ABCB8: variants seen among roughly 807,000 people sequenced by gnomAD.
The protein encoded by ABCB8 is ATP binding cassette subfamily B member 8, also known as mitochondrial potassium channel ATP-binding subunit.
A neutral mutation model predicts 73.0 loss-of-function variants in ABCB8; 52 were observed. That is an observed-to-expected ratio of 0.71 (90% confidence interval 0.57 to 0.90). ABCB8 has a LOEUF of 0.90. Ranked by LOEUF, ABCB8 falls within the 40% of genes least tolerant of loss-of-function variation. ABCB8 has a pLI of 0.00. For missense variants in ABCB8, 909 were observed against 974.6 expected, an observed-to-expected ratio of 0.93 and a Z score of 0.90; for synonymous variants, 428 against 423.5, an observed-to-expected ratio of 1.01 and a Z score of -0.13.
At chr7:151,045,079 A>C in intron 15 of ABCB8, 130 bp from the exon 16 acceptor site, 1 of 1,157,244 alleles carries the variant, frequency 8.6e-7, no homozygotes, top group Non-Finnish European at 1.2e-6. Flanking sequence ...TTGGTTTCAG[A>C]GTGTCCCCAG....
At position 151,033,886 on chromosome 7, in the gene ABCB8, C is replaced by A. The variant is rs775074003; in HGVS notation, c.377C>A (p.Pro126His). The change falls in exon 2 of 16, where the codon CCC becomes CAC. Residue 126 changes from proline (P) to histidine (H), a missense_variant. Transcript: ENST00000358849. ...NWKLFWQFLH[P>H]HLLVLGVAVV... is the part of the protein sequence containing the mutation. ...AAGCTCTTCTGGCAGTTTCTGCACC[C>A]CCACCTGCTGGTCCTGGGGGTAGCC... 3.7e-6 allele frequency: 6 copies of A among 1,608,022 alleles called. No individual in the cohort carries two copies. Among genetic ancestry groups the A allele is most frequent in the Non-Finnish European group, 5.1e-6 (6 of 1,176,212 alleles).
At chr7:151,034,884 T>A in intron 5 of ABCB8, 55 bp downstream of exon 5, 1 of 1,511,878 alleles carries the variant, frequency 6.6e-7, no homozygotes, top group Non-Finnish European at 9.1e-7. Flanking sequence ...CCATGTGGAT[T>A]CACCAGGCCA....
intron 11 of ABCB8, 57 bp downstream of exon 11, chr7:151,040,691 G>C: frequency 6.2e-7 from 1 of 1,600,730 alleles, no homozygotes; most frequent in South Asian, 1.1e-5. Flanking sequence ...TGAGGCGAGT[G>C]GATTCGGGGG....
chr7:151,045,612 C>T lies in ABCB8; in HGVS notation c.*263C>T. The T allele has an allele frequency of 2.4e-6, 1 of 424,566 alleles. No homozygotes were observed. The highest frequency in any genetic ancestry group is 4.1e-6 in the Non-Finnish European group (1 of 242,480). 26.3% of individuals were successfully genotyped at this position (424,566 alleles called of 1,614,324 possible). A position where few individuals can be genotyped will look rare whatever the true frequency, so the allele number is the denominator to read the frequency against. Reference sequence around the variant, plus strand: ...GCTGCAATGGGCAGAGACAGAGTTCCACGAGACACCTCCACTCTATTCTCC... The same window carrying T: ...GCTGCAATGGGCAGAGACAGAGTTCTACGAGACACCTCCACTCTATTCTCC... On this transcript the variant is annotated 3_prime_UTR_variant, in exon 16 of 16. Transcript: ENST00000358849.
rs1563290309 is a variant in ABCB8, at chr7:151,034,735, C to A, written c.671C>A (p.Thr224Asn). 2 of 1,614,050 alleles carry A rather than the reference C, an allele frequency of 1.2e-6. No individual in the cohort carries two copies. ...LFSSLLRQDI[T>N]FFDANKTGQL... Reference sequence around the variant, plus strand: ...TTGTCCCATGCCAGACAAGACATCACCTTCTTTGACGCCAATAAGACAGGG... The same window carrying A: ...TTGTCCCATGCCAGACAAGACATCAACTTCTTTGACGCCAATAAGACAGGG... The change falls in exon 5 of 16, where the codon ACC (threonine) becomes AAC (asparagine). Residue 224 changes from threonine (T) to asparagine (N), a missense_variant. Coordinates refer to ENST00000358849, the MANE Select transcript of ABCB8 (RefSeq NM_007188.5).
At chr7:151,035,546 C>T (rs758177945) in intron 5 of ABCB8, 35 bp from the exon 6 acceptor site, 19 of 1,555,704 alleles carry the variant, frequency 1.2e-5, no homozygotes, top group South Asian at 5.9e-5. Flanking sequence ...ATGGTGCGGA[C>T]GCCGTAGCCT....
intron 15 of ABCB8, 102 bp from the exon 16 acceptor site, chr7:151,045,107 G>A: frequency 9.4e-6 from 13 of 1,384,688 alleles, no homozygotes; most frequent in Non-Finnish European, 1.2e-5. Context: ...ACCGGCCTAA[G>A]TGACCATGGG....
chr7:151,043,917 G>A, intron 14 of ABCB8, 54 bp from the exon 15 acceptor site: 2 of 1,592,646 alleles, frequency 1.3e-6, no homozygotes, highest in South Asian at 2.2e-5. Context: ...GCCCCTTTGT[G>A]GGCCACCCTC....
rs1796034344 is a variant in ABCB8, at chr7:151,028,550, G to A, written c.35G>A (p.Gly12Asp). 3 of 1,614,070 alleles carry A rather than the reference G, an allele frequency of 1.9e-6. No homozygotes were observed. The highest frequency in any genetic ancestry group is 1.7e-4 in the Middle Eastern group (1 of 6,026). The change falls in exon 1 of 16, where the codon GGT becomes GAT. Residue 12 changes from glycine (G) to aspartate (D), a missense_variant. By Grantham distance (94) the Gly-to-Asp change is moderately conservative. Transcript: ENST00000358849. The stretch of plus-strand genomic sequence containing the variant: ...CATTTATTTCGGGTCGGGATTCGGG[G>A]TGGCCCATTCCCAGGCAGGCTGCTA... ...LVHLFRVGIRGGPFPGRLLPP... is the reference protein window; with the variant it reads ...LVHLFRVGIRDGPFPGRLLPP...
rs368425468 is a variant in ABCB8, at chr7:151,035,802, C to T, written c.927+60C>T. ...CCACACCGTTTCTCTTTCCACTCCC[C>T]GGAACTCCTCCCTGTCCCCATCCTG... On this transcript the variant is annotated intron_variant, in intron 6 of 15. Transcript: ENST00000358849. 192 of 1,609,806 alleles carry T rather than the reference C, an allele frequency of 1.2e-4. No individual in the cohort carries two copies. Among genetic ancestry groups the T allele is most frequent in the South Asian group, 9.7e-4 (88 of 91,048 alleles).
chr7:151,031,416 C>G, intron 1 of ABCB8: 2 of 1,309,326 alleles, frequency 1.5e-6, no homozygotes, highest in Non-Finnish European at 1.0e-6. Context: ...TTCCTGAAAG[C>G]AGGGGAAGGA....
chr7:151,038,001 G>C (rs1348495321), intron 9 of ABCB8: 1 of 154,668 alleles, frequency 6.5e-6, no homozygotes, highest in Non-Finnish European at 1.4e-5. Flanking sequence ...CTGTTCTGTC[G>C]TGGCTTTGGA....
At position 151,036,101 on chromosome 7, in the gene ABCB8, C is replaced by T. The variant is rs777044789; in HGVS notation, c.1042C>T (p.Arg348Cys). ...CTATGGGGCAGAGCTGGAAGCCTGC[C>T]GCTGCCGGGCAGAGGAGCTGGGCCG... The part of the protein sequence containing the change: ...ERYGAELEAC[R>C]CRAEELGRGI... Residue 348 changes from arginine (R) to cysteine (C), a missense_variant, in exon 8 of 16, where the codon CGC (arginine) becomes TGC (cysteine). Coordinates refer to ENST00000358849, the MANE Select transcript of ABCB8 (RefSeq NM_007188.5). 1.3e-5 allele frequency: 21 copies of T among 1,613,300 alleles called. No individual in the cohort carries two copies. Among genetic ancestry groups the T allele is most frequent in the South Asian group, 3.3e-5 (3 of 91,070 alleles).
chr7:151,028,818 A>C (rs1397605873), intron 1 of ABCB8: 1 of 1,557,214 alleles, frequency 6.4e-7, no homozygotes, highest in South Asian at 1.2e-5. Flanking sequence ...CTGCGTCTGC[A>C]GCCGCGTGTC....
chr7:151,034,018 G>A, intron 2 of ABCB8, 101 bp downstream of exon 2: 1 of 1,392,230 alleles, frequency 7.2e-7, no homozygotes. Context: ...AGAGCTCAGG[G>A]GAGCAGCAAG....
In ABCB8 at chr7:151,041,220, CT is replaced by C; in HGVS notation, c.1607del (p.Phe536SerfsTer81). The C allele has an allele frequency of 6.2e-7, 1 of 1,601,356 alleles. No individual in the cohort carries two copies. On this transcript the variant is annotated frameshift_variant, in exon 13 of 16. Transcript: ENST00000358849. LOFTEE classifies it high-confidence loss of function. ...CCTGGCTCCGGGGCCAGGTTGTCGGCTTCATCAGCCAGGTGCGGGGCCACAT... is the reference window on the plus strand; with the variant it reads ...CCTGGCTCCGGGGCCAGGTTGTCGGCTCATCAGCCAGGTGCGGGGCCACAT... ...PSWLRGQVVG[F>X]ISQEPVLFGT...
rs1796062951 is a variant in ABCB8 at position 151,029,023 on chromosome 7, A to T, written c.95+413A>T. The stretch of plus-strand genomic sequence containing the variant: ...GAAGAACTAGAGATGTTCAGCAGGG[A>T]TAAAGAGCCAATCTAATAGGCCGGG... On this transcript the variant is annotated intron_variant, in intron 1 of 15. Coordinates refer to ENST00000358849, the MANE Select transcript of ABCB8 (RefSeq NM_007188.5). 4.2e-6 allele frequency: 5 copies of T among 1,184,378 alleles called. No homozygotes were observed. The South Asian group carries it at 6.2e-5, about 15-fold the overall frequency. The allele number at this position is 1,184,378 out of a possible 1,614,324, so 73.4% of individuals were successfully genotyped here.
chr7:151,031,258 G>T (rs1361344552), intron 1 of ABCB8: 2 of 1,552,724 alleles, frequency 1.3e-6, no homozygotes, highest in Non-Finnish European at 1.7e-6. Context: ...TGGCGTAATG[G>T]GAAAACTGGA....
rs377525361 is a variant in ABCB8, at chr7:151,042,000, C to G, written c.1657C>G (p.Arg553Gly). ...LFGTTIMENI[R>G]FGKLEASDEE... Reference sequence around the variant, plus strand: ...TGGGACGACCATCATGGAAAACATCCGCTTTGGGAAGCTGGAAGCTTCCGA... The same window carrying G: ...TGGGACGACCATCATGGAAAACATCGGCTTTGGGAAGCTGGAAGCTTCCGA... Residue 553 changes from arginine (R) to glycine (G), a missense_variant, in exon 14 of 16, where the codon CGC becomes GGC. Transcript: ENST00000358849. The G allele has an allele frequency of 6.2e-7, 1 of 1,613,004 alleles. No individual in the cohort carries two copies. Among genetic ancestry groups the G allele is most frequent in the Non-Finnish European group, 8.5e-7 (1 of 1,180,002 alleles).
Sources: gnomAD v4.1 joint callset for allele counts on GRCh38, gnomAD v4.1.1 for gene constraint, MANE v1.5 for transcripts, NCBI Gene and HGNC (gene_info 2026-07-23, HGNC 2026-07-21) for gene names.